TNKS2: variants seen among roughly 807,000 people sequenced by gnomAD.
The protein encoded by TNKS2 is poly [ADP-ribose] polymerase tankyrase-2.
In TNKS2, 72 loss-of-function variants were observed where a neutral mutation model predicts 137.6. The observed-to-expected ratio is 0.52, with a 90% CI of 0.43 to 0.64. The LOEUF is 0.64. Ranked by LOEUF, TNKS2 falls within the 30% of genes least tolerant of loss-of-function variation. TNKS2 has a pLI of 0.00. For synonymous variants in TNKS2, 516 were observed against 512.1 expected, an observed-to-expected ratio of 1.01 and a Z score of -0.10; for missense variants, 1,049 against 1,410.2, an observed-to-expected ratio of 0.74 and a Z score of 4.10.
intron 12 of TNKS2, among the ~76,000 whole-genome samples, chr10:91,836,034 A>AGTTT (rs1842005878): frequency 1.1e-4 from 6 of 53,494 alleles, no homozygotes; most frequent in Non-Finnish European, 2.0e-4. Flanking sequence ...TGTGTGTGTA[A>AGTTT]TTTTTTTTTT....
rs369175719 is a variant in TNKS2, at chr10:91,842,373, A to G, written c.2041A>G (p.Thr681Ala). The change falls in exon 16 of 27, where the codon ACA (threonine) becomes GCA (alanine). Residue 681 changes from threonine (T) to alanine (A), a missense_variant. By Grantham distance (58) the Thr-to-Ala change is moderately conservative (BLOSUM62 0). This residue lies in a region of TNKS2 where 328 missense variants were observed against 436.0 expected (regional missense o/e 0.75). Coordinates refer to ENST00000371627, the MANE Select transcript of TNKS2 (RefSeq NM_025235.4). ...CCGCGATACCCAAGGCAGACATTCA[A>G]CACCTTTACATTTAGCAGGTAAGTG... ...NCRDTQGRHS[T>A]PLHLAAGYNN... 6.8e-6 allele frequency: 11 copies of G among 1,614,030 alleles called. No individual in the cohort carries two copies. In the African/African-American group the frequency reaches 8.0e-5, roughly 12 times the overall value.
intron 1 of TNKS2, among the ~76,000 whole-genome samples, chr10:91,800,553 GT>G (rs781026037): frequency 2.6e-5 from 4 of 152,046 alleles, no homozygotes; most frequent in Non-Finnish European, 5.9e-5. Context: ...CTGTCCCAAC[GT>G]TTCAAAGCAT....
intron 16 of TNKS2, 65 bp from the exon 17 acceptor site, chr10:91,844,854 G>T: frequency 1.0e-6 from 1 of 981,910 alleles, no homozygotes; most frequent in Non-Finnish European, 1.5e-6. Flanking sequence ...ACAAGTGGAA[G>T]TATTATGACA....
chr10:91,814,642 T>C (rs1844618565), intron 2 of TNKS2, among the ~76,000 whole-genome samples: 1 of 152,192 alleles, frequency 6.6e-6, no homozygotes, highest in Admixed American at 6.5e-5. Context: ...TTATACTATA[T>C]TTAGACATAC....
intron 19 of TNKS2, among the ~76,000 whole-genome samples, chr10:91,849,077 TC>T (rs1830614555): frequency 6.6e-6 from 1 of 152,206 alleles, no homozygotes. Context: ...CCTCAGGTGA[TC>T]CACCCGCCTC....
chr10:91,861,197 G>C lies in TNKS2; in HGVS notation c.3282-802G>C, dbSNP rs541557598. ...CAGCTGAAGTCTGAAAATTGAGTGG[G>C]TATCAGCCAGTGGAAGAGTGGTAAA... On this transcript the variant is annotated intron_variant, in intron 25 of 26. Transcript: ENST00000371627. 1.4e-4 allele frequency among the ~76,000 whole-genome samples: 22 copies of C among 152,250 alleles called. No homozygotes were observed. The Middle Eastern group carries it at 0.01, about 71-fold the overall frequency.
intron 1 of TNKS2, among the ~76,000 whole-genome samples, chr10:91,801,094 G>C (rs1564599042): frequency 6.6e-6 from 1 of 152,126 alleles, no homozygotes; most frequent in Non-Finnish European, 1.5e-5. Context: ...GATTTTACTG[G>C]GGGAGGCATG....
chr10:91,814,233 A>G (rs777302044), intron 2 of TNKS2, among the ~76,000 whole-genome samples: 7 of 152,290 alleles, frequency 4.6e-5, no homozygotes, highest in East Asian at 3.9e-4. Flanking sequence ...ATGTGTGTCT[A>G]TATCTTAGTT....
At chr10:91,855,819 G>A in intron 23 of TNKS2, 131 bp downstream of exon 23, 1 of 575,434 alleles carries the variant, frequency 1.7e-6, no homozygotes, top group South Asian at 2.5e-5. Context: ...ACTATTTTGG[G>A]AAAGAGGATA....
intron 1 of TNKS2, among the ~76,000 whole-genome samples, chr10:91,808,806 C>T (rs538540181): frequency 6.6e-6 from 1 of 152,110 alleles, no homozygotes; most frequent in Non-Finnish European, 1.5e-5. Flanking sequence ...GGTTAGAGAA[C>T]TGAGTCTTGA....
chr10:91,821,934 T>C (rs1477125811), intron 6 of TNKS2, among the ~76,000 whole-genome samples: 4 of 152,300 alleles, frequency 2.6e-5, no homozygotes, highest in African/African-American at 9.6e-5. Flanking sequence ...TGGTGAAACT[T>C]ACCTTTTAGA....
chr10:91,838,109 C>G (rs1479307899), intron 13 of TNKS2, among the ~76,000 whole-genome samples: 1 of 116,340 alleles, frequency 8.6e-6, no homozygotes, highest in African/African-American at 3.4e-5. Flanking sequence ...AATGCTCATT[C>G]TCTTACATAT....
In TNKS2 at chr10:91,798,870, C is replaced by A. The variant is rs972323328; in HGVS notation, c.180C>A (p.Thr60=). Reference sequence around the variant, plus strand: ...GCGACACGGCGGGCAGGAAATCCACCCCGCTGCACTTCGCCGCAGGTAACC... The same window carrying A: ...GCGACACGGCGGGCAGGAAATCCACACCGCTGCACTTCGCCGCAGGTAACC... ...NSRDTAGRKS[T]PLHFAAGFGR... The change falls in exon 1 of 27, where the codon ACC becomes ACA. Residue 60 remains threonine (T), a synonymous_variant. Coordinates refer to ENST00000371627, the MANE Select transcript of TNKS2 (RefSeq NM_025235.4). 2.9e-6 allele frequency: 4 copies of A among 1,364,540 alleles called. No homozygotes were observed. Among genetic ancestry groups the A allele is most frequent in the Non-Finnish European group, 2.9e-6 (3 of 1,050,398 alleles). 84.5% of individuals were successfully genotyped at this position (1,364,540 alleles called of 1,614,324 possible).
At position 91,855,138 on chromosome 10, in the gene TNKS2, T is replaced by A; in HGVS notation, c.2913+12T>A. ...CTGTGGAGGAAGAGGTATGTTCATA[T>A]AACTTCAATAGTAGGTTTGCCGTAT... On this transcript the variant is annotated intron_variant, in intron 22 of 26. Transcript: ENST00000371627. 1 of 1,479,404 alleles carries A rather than the reference T, an allele frequency of 6.8e-7. No homozygotes were observed. The highest frequency in any genetic ancestry group is 1.1e-5 in the South Asian group (1 of 88,078). The allele number at this position is 1,479,404 out of a possible 1,614,324, so 91.6% of individuals were successfully genotyped here.
rs773051061 is a variant in TNKS2, at chr10:91,813,175, C to G, written c.392C>G (p.Ala131Gly). The G allele has an allele frequency of 4.3e-6, 7 of 1,614,148 alleles. No homozygotes were observed. Among genetic ancestry groups the G allele is most frequent in the Non-Finnish European group, 5.9e-6 (7 of 1,180,012 alleles). Reference protein sequence around the residue: ...DNWNYTPLHEAAIKGKIDVCI... With the variant: ...DNWNYTPLHEGAIKGKIDVCI... ...TGGAATTATACTCCTCTCCATGAAG[C>G]TGCAATTAAAGGAAAGATTGATGTT... The change falls in exon 2 of 27, where the codon GCT becomes GGT. Residue 131 changes from alanine (A) to glycine (G), a missense_variant. Around this residue, in one of 6 missense-constraint regions of TNKS2, gnomAD observed 374 missense variants for 460.8 expected, o/e 0.81. Transcript: ENST00000371627.
At chr10:91,845,212 G>A (rs1018150222) in intron 17 of TNKS2, among the ~76,000 whole-genome samples, 184 bp downstream of exon 17, 21 of 152,110 alleles carry the variant, frequency 1.4e-4, no homozygotes, top group African/African-American at 3.1e-4. Flanking sequence ...TGTGATATGC[G>A]GTGTATTGTT....
At chr10:91,827,773 G>A (rs1589665365) in intron 8 of TNKS2, among the ~76,000 whole-genome samples, 2 of 152,326 alleles carry the variant, frequency 1.3e-5, no homozygotes, top group South Asian at 4.1e-4. Flanking sequence ...AGTCTGATGA[G>A]TAAAAGAGAA....
chr10:91,833,003 A>G (rs1450327513), intron 11 of TNKS2, among the ~76,000 whole-genome samples: 1 of 152,146 alleles, frequency 6.6e-6, no homozygotes, highest in Non-Finnish European at 1.5e-5. Flanking sequence ...TTCCTCCTAA[A>G]TACTTCCACA....
chr10:91,827,966 C>T (rs1394966288), intron 8 of TNKS2, among the ~76,000 whole-genome samples: 7 of 152,104 alleles, frequency 4.6e-5, no homozygotes, highest in Admixed American at 1.3e-4. Flanking sequence ...TCTAAAACCT[C>T]TCCAGTCTAG....
Sources: gnomAD v4.1 joint callset for allele counts (sites outside exome capture counted in the v4.1 genomes callset) on GRCh38, gnomAD v4.1.1 for gene constraint, gnomAD v4.1.1 regional missense constraint, MANE v1.5 for transcripts, NCBI Gene and HGNC (gene_info 2026-07-23, HGNC 2026-07-21) for gene names.